Variants in EHD4 observed in about 807,000 individuals in gnomAD.
The protein encoded by EHD4 is EH domain containing 4, also known as EH domain-containing protein 4.
EHD4 carries 37 observed loss-of-function variants against 51.0 expected under a neutral mutation model. That is an observed-to-expected ratio of 0.73 (90% CI 0.56 to 0.95). EHD4 has a LOEUF of 0.95. Among genes scored for constraint, EHD4 ranks in the 40% least tolerant of loss-of-function variants. The pLI is 0.00. For synonymous variants in EHD4, 297 were observed against 317.3 expected (o/e 0.94, Z 0.68); for missense variants, 632 against 733.1 (o/e 0.86, Z 1.59).
rs1326822443 is a variant in EHD4, at chr15:41,898,180, G to C, written c.*2465C>G. ...TTTCTCTCCAAGAACATTACCAGGT[G>C]CCAGCAGGGAAAGGACTCCGCTGCC... On this transcript the variant is annotated 3_prime_UTR_variant, in exon 6 of 6. Coordinates refer to ENST00000220325, the MANE Select transcript of EHD4 (RefSeq NM_139265.4). 6.6e-6 allele frequency: 1 copy of C among 151,916 alleles called. No homozygotes were observed. The highest frequency in any genetic ancestry group is 2.4e-5 in the African/African-American group (1 of 41,332). 9.4% of individuals were successfully genotyped at this position (151,916 alleles called of 1,614,324 possible). A position where few individuals can be genotyped will look rare whatever the true frequency, so the allele number is the denominator to read the frequency against.
At chr15:41,949,557 GCTAAA>G (rs2067839670) in intron 2 of EHD4, among the ~76,000 whole-genome samples, 1 of 152,038 alleles carries the variant, frequency 6.6e-6, no homozygotes, top group Non-Finnish European at 1.5e-5. Flanking sequence ...ATCAGGCCCA[GCTAAA>G]ATGACTGAGC....
chr15:41,952,288 A>G (rs533324130), intron 2 of EHD4, among the ~76,000 whole-genome samples: 1 of 152,242 alleles, frequency 6.6e-6, no homozygotes, highest in African/African-American at 2.4e-5. Flanking sequence ...TCTAGAAAGG[A>G]GATGTGGACT....
chr15:41,936,059 C>G (rs573064742), intron 3 of EHD4, among the ~76,000 whole-genome samples: 1 of 152,196 alleles, frequency 6.6e-6, no homozygotes, highest in African/African-American at 2.4e-5. Context: ...AGATGGCATT[C>G]GGCTTTCCAC....
chr15:41,922,730 A>G (rs1179533461), intron 3 of EHD4, among the ~76,000 whole-genome samples: 1 of 152,266 alleles, frequency 6.6e-6, no homozygotes, highest in Non-Finnish European at 1.5e-5. Flanking sequence ...TGAAATCAAA[A>G]GTTATTAGGA....
intron 1 of EHD4, among the ~76,000 whole-genome samples, chr15:41,972,014 G>C (rs2067999580): frequency 1.3e-5 from 2 of 152,130 alleles, no homozygotes; most frequent in Non-Finnish European, 2.9e-5. Context: ...GAGGCCAGCG[G>C]GAGCAACGCC....
At chr15:41,971,701 G>A (rs933596293) in intron 1 of EHD4, among the ~76,000 whole-genome samples, 3 of 152,210 alleles carry the variant, frequency 2.0e-5, no homozygotes, top group Admixed American at 6.5e-5. Flanking sequence ...GGCTAAAGGC[G>A]GTGCATGAAC....
At chr15:41,948,218 A>T (rs1333477984) in intron 2 of EHD4, among the ~76,000 whole-genome samples, 5 of 151,936 alleles carry the variant, frequency 3.3e-5, no homozygotes, top group Non-Finnish European at 7.4e-5. Flanking sequence ...GCGCCACTGC[A>T]CTCCAGCATA....
intron 3 of EHD4, among the ~76,000 whole-genome samples, chr15:41,933,051 T>G (rs2067709152): frequency 6.6e-6 from 1 of 152,216 alleles, no homozygotes. Context: ...TTCCCTCACT[T>G]TATAAAAGCG....
intron 3 of EHD4, among the ~76,000 whole-genome samples, chr15:41,936,118 G>C (rs1487051842): frequency 6.6e-6 from 1 of 152,216 alleles, no homozygotes; most frequent in African/African-American, 2.4e-5. Context: ...GGCTTCTTAT[G>C]ACCTAGCCTT....
intron 3 of EHD4, among the ~76,000 whole-genome samples, chr15:41,936,814 G>A (rs977245418): frequency 3.9e-5 from 6 of 152,172 alleles, no homozygotes; most frequent in African/African-American, 1.2e-4. Flanking sequence ...GGAATTTCCC[G>A]TGGCACCAGC....
At chr15:41,933,816 A>T (rs2067713476) in intron 3 of EHD4, among the ~76,000 whole-genome samples, 1 of 152,184 alleles carries the variant, frequency 6.6e-6, no homozygotes, top group African/African-American at 2.4e-5. Flanking sequence ...GGTTCCTAAA[A>T]ATCCTAGCTT....
intron 1 of EHD4, among the ~76,000 whole-genome samples, chr15:41,967,687 T>C (rs552017942): frequency 1.6e-4 from 24 of 152,216 alleles, no homozygotes; most frequent in Non-Finnish European, 2.9e-4. Context: ...TGCCTTCACT[T>C]CCCTTTTCCT....
chr15:41,932,743 G>A (rs977731292), intron 3 of EHD4, among the ~76,000 whole-genome samples: 14 of 152,100 alleles, frequency 9.2e-5, no homozygotes, highest in Admixed American at 7.2e-4. Context: ...CTGCACTCTC[G>A]TGGCTTTCCA....
chr15:41,935,527 T>C (rs1566822532), intron 3 of EHD4, among the ~76,000 whole-genome samples: 1 of 152,136 alleles, frequency 6.6e-6, no homozygotes, highest in Non-Finnish European at 1.5e-5. Context: ...CAAAAATTGC[T>C]AAAGGAAAAA....
At position 41,953,854 on chromosome 15, in the gene EHD4, G is replaced by A; in HGVS notation, c.323C>T (p.Thr108Ile). 2 of 1,614,066 alleles carry A rather than the reference G, an allele frequency of 1.2e-6. No individual in the cohort carries two copies. The highest frequency in any genetic ancestry group is 2.2e-5 in the South Asian group (2 of 91,052). The change falls in exon 2 of 6, where the codon ACT becomes ATT. Residue 108 changes from threonine (T) to isoleucine (I), a missense_variant. Physicochemically the swap from Thr to Ile is moderately conservative, Grantham distance 89. Transcript: ENST00000220325. ...DSFIAVMYGE[T>I]EGSTPGNALV... ...AGCATTCCCTGGGGTGCTGCCCTCA[G>A]TCTCTCCATACATCACGGCGATGAA...
At position 41,899,861 on chromosome 15, in the gene EHD4, T is replaced by C. The variant is rs184932319; in HGVS notation, c.*784A>G. The C allele has an allele frequency of 5.3e-5, 8 of 152,364 alleles. No homozygotes were observed. The highest frequency in any genetic ancestry group is 4.6e-4 in the Admixed American group (7 of 15,306). The allele number at this position is 152,364 out of a possible 1,614,324, so 9.4% of individuals were successfully genotyped here. ...GCTAATTTTCAGGCTTCAATGTGAT[T>C]TGACATGCAAACGGGAAGTTTTGCC... On this transcript the variant is annotated 3_prime_UTR_variant, in exon 6 of 6. Coordinates refer to ENST00000220325, the MANE Select transcript of EHD4 (RefSeq NM_139265.4).
chr15:41,925,307 A>G (rs917542266), intron 3 of EHD4, among the ~76,000 whole-genome samples: 3 of 152,188 alleles, frequency 2.0e-5, no homozygotes, highest in Non-Finnish European at 4.4e-5. Flanking sequence ...CTTTAGAAGA[A>G]ATCGGCCTTA....
At chr15:41,965,933 C>G (rs1229291428) in intron 1 of EHD4, among the ~76,000 whole-genome samples, 10 of 135,620 alleles carry the variant, frequency 7.4e-5, no homozygotes, top group African/African-American at 2.7e-4. Context: ...GCCCACCCCC[C>G]GCCCCACCTA....
chr15:41,913,202 T>A (rs375824928), intron 4 of EHD4, among the ~76,000 whole-genome samples: 1 of 152,200 alleles, frequency 6.6e-6, no homozygotes, highest in East Asian at 1.9e-4. Context: ...TTCTAAAGTC[T>A]TCTGGTAAAC....
Sources: gnomAD v4.1 joint callset for allele counts (sites outside exome capture counted in the v4.1 genomes callset) on GRCh38, gnomAD v4.1.1 for gene constraint, MANE v1.5 for transcripts, NCBI Gene and HGNC (gene_info 2026-07-23, HGNC 2026-07-21) for gene names.